RYR3: variants seen among roughly 807,000 people sequenced by gnomAD.
RYR3 encodes ryanodine receptor 3, also known as brain ryanodine receptor-calcium release channel.
Under a neutral mutation model 584.3 loss-of-function variants are expected in RYR3, and 207 were observed. That is an observed-to-expected ratio of 0.35 (90% CI 0.32 to 0.40). The LOEUF (loss-of-function observed/expected upper bound fraction) is 0.40, where lower values mean the gene tolerates loss of function less well. Ranked by LOEUF, RYR3 falls within the 10% of genes least tolerant of loss-of-function variation. The pLI, the probability that RYR3 is intolerant of heterozygous loss-of-function variation, is 1.00. For missense variants in RYR3, 5,616 were observed against 6,089.2 expected (o/e 0.92, Z 2.59); for synonymous variants, 2,416 against 2,248.5 (o/e 1.07, Z -2.11).
At chr15:33,324,655 G>C (rs1317726121) in intron 1 of RYR3, among the ~76,000 whole-genome samples, 1 of 152,168 alleles carries the variant, frequency 6.6e-6, no homozygotes, top group Non-Finnish European at 1.5e-5. Flanking sequence ...CTGTGTTCTT[G>C]CTACTAAGGA....
chr15:33,450,087 T>TAAAAAAAAAAAAAAAAAAAAAAAAAAA (rs10647466), intron 1 of RYR3, among the ~76,000 whole-genome samples: 1 of 67,322 alleles, frequency 1.5e-5, no homozygotes, highest in African/African-American at 5.5e-5. Context: ...CATTAATACC[T>TAAAAAAAAAAAAAAAAAAAAAAAAAAA]AAAAAAAAAA....
chr15:33,511,833 C>T (rs1056551757), intron 3 of RYR3, among the ~76,000 whole-genome samples: 6 of 152,218 alleles, frequency 3.9e-5, no homozygotes, highest in Admixed American at 2.0e-4. Flanking sequence ...GGCTGCAGTG[C>T]AGTGGCGCGA....
chr15:33,350,435 A>G (rs1010287095), intron 1 of RYR3, among the ~76,000 whole-genome samples: 11 of 151,804 alleles, frequency 7.2e-5, no homozygotes, highest in Non-Finnish European at 1.3e-4. Context: ...AGAACTCTCC[A>G]CCCCAAATCA....
intron 94 of RYR3, 169 bp from the exon 95 acceptor site, chr15:33,852,876 C>A (rs1161366042): frequency 1.6e-6 from 1 of 620,550 alleles, no homozygotes; most frequent in Non-Finnish European, 2.9e-6. Context: ...ATACATGACT[C>A]AGTAGAGCCT....
At chr15:33,378,890 A>T (rs2040947987) in intron 1 of RYR3, among the ~76,000 whole-genome samples, 1 of 152,118 alleles carries the variant, frequency 6.6e-6, no homozygotes, top group Non-Finnish European at 1.5e-5. Context: ...GCTTAAGCCC[A>T]GAAGTTCAAC....
intron 67 of RYR3, among the ~76,000 whole-genome samples, chr15:33,800,264 G>A (rs1161767193): frequency 1.3e-5 from 2 of 152,160 alleles, no homozygotes; most frequent in Non-Finnish European, 2.9e-5. Context: ...GATAAAACTG[G>A]CTTTAAAGGA....
At chr15:33,351,271 T>G (rs1973208594) in intron 1 of RYR3, among the ~76,000 whole-genome samples, 2 of 152,198 alleles carry the variant, frequency 1.3e-5, no homozygotes, top group South Asian at 4.2e-4. Context: ...ATAATCAATA[T>G]CTTACCAACC....
intron 20 of RYR3, among the ~76,000 whole-genome samples, chr15:33,626,090 G>C (rs768826629): frequency 1.2e-4 from 18 of 152,216 alleles, no homozygotes; most frequent in Non-Finnish European, 2.1e-4. Context: ...TGTGACTCCT[G>C]TCTGGGCTGC....
rs575293871 is a variant in RYR3 at position 33,691,140 on chromosome 15, G to C, written c.5861-5078G>C. ...GTAGTAGTTTCTGAAAAGTTAGTTG[G>C]CATGTGGAATCTGAAACCATATTAA... is the stretch of plus-strand genomic sequence containing the variant. On this transcript the variant is annotated intron_variant, in intron 38 of 103. Coordinates refer to ENST00000634891, the MANE Select transcript of RYR3 (RefSeq NM_001036.6). Among the ~76,000 whole-genome samples, 6 of 143,186 alleles carry C rather than the reference G, an allele frequency of 4.2e-5. No individual in the cohort carries two copies. In the South Asian group the frequency reaches 9.1e-4, roughly 22 times the overall value. 93.9% of individuals were successfully genotyped at this position (143,186 alleles called of 152,430 possible). A position where few individuals can be genotyped will look rare whatever the true frequency, so the allele number is the denominator to read the frequency against.
intron 1 of RYR3, among the ~76,000 whole-genome samples, chr15:33,384,004 G>A (rs767068990): frequency 2.6e-5 from 4 of 152,124 alleles, no homozygotes; most frequent in Non-Finnish European, 5.9e-5. Flanking sequence ...GTCAATTAAC[G>A]CAAGAACAGA....
intron 64 of RYR3, among the ~76,000 whole-genome samples, 167 bp downstream of exon 64, chr15:33,773,782 AG>A (rs2073796711): frequency 6.6e-6 from 1 of 152,220 alleles, no homozygotes; most frequent in African/African-American, 2.4e-5. Flanking sequence ...AATGTAAAGA[AG>A]TGCAATGATG....
intron 7 of RYR3, 54 bp from the exon 8 acceptor site, chr15:33,543,568 C>T: frequency 8.9e-7 from 1 of 1,117,772 alleles, no homozygotes; most frequent in Admixed American, 1.7e-5. Flanking sequence ...TTAAATATGC[C>T]ATTCTCTTCA....
intron 2 of RYR3, among the ~76,000 whole-genome samples, chr15:33,476,726 T>C (rs1253827925): frequency 6.6e-6 from 1 of 152,194 alleles, no homozygotes; most frequent in Non-Finnish European, 1.5e-5. Flanking sequence ...CCCAAAATGA[T>C]AGATAAATTG....
At position 33,450,500 on chromosome 15, in the gene RYR3, G is replaced by T. The variant is rs191521982; in HGVS notation, c.52-22919G>T. On this transcript the variant is annotated intron_variant, in intron 1 of 103. Transcript: ENST00000634891. ...CTCCACACAGCAGTTTACAGAGCCC[G>T]AGGTGCTGAGACAAAACTGTTTGGA... Among the ~76,000 whole-genome samples, 8 of 152,184 alleles carry T rather than the reference G, an allele frequency of 5.3e-5. No homozygotes were observed. The East Asian group carries it at 1.5e-3, about 29-fold the overall frequency.
At chr15:33,753,561 A>G (rs979771723) in intron 57 of RYR3, among the ~76,000 whole-genome samples, 40 of 152,212 alleles carry the variant, frequency 2.6e-4, no homozygotes, top group African/African-American at 4.8e-4. Flanking sequence ...TTATTCCGAT[A>G]TAGCCATTCT....
chr15:33,312,948 C>G (rs1194560523), intron 1 of RYR3, among the ~76,000 whole-genome samples: 1 of 152,158 alleles, frequency 6.6e-6, no homozygotes, highest in African/African-American at 2.4e-5. Flanking sequence ...GCTTCCTGCC[C>G]TAGAGATCAG....
intron 17 of RYR3, among the ~76,000 whole-genome samples, chr15:33,602,033 C>T (rs1746219427): frequency 6.6e-6 from 1 of 152,150 alleles, no homozygotes; most frequent in Non-Finnish European, 1.5e-5. Flanking sequence ...ATGCAGGACC[C>T]CTAGCTTGCT....
Position 33,861,081 on chromosome 15 carries a change from A to C in RYR3, c.14368A>C (p.Lys4790Gln). The C allele has an allele frequency of 6.3e-7, 1 of 1,582,320 alleles. No individual in the cohort carries two copies. Among genetic ancestry groups the C allele is most frequent in the Non-Finnish European group, 8.6e-7 (1 of 1,162,220 alleles). ...QEQVREDMETKCFICGIGNDY... is the reference protein window; with the variant it reads ...QEQVREDMETQCFICGIGNDY... ...TTCTGCCTGTTATTTTTCTTAGACTAAATGTTTCATCTGTGGGATTGGCAA... is the reference window on the plus strand; with the variant it reads ...TTCTGCCTGTTATTTTTCTTAGACTCAATGTTTCATCTGTGGGATTGGCAA... The change falls in exon 102 of 104, where the codon AAA (lysine) becomes CAA (glutamine). Residue 4790 changes from lysine to glutamine, a missense_variant. Physicochemically the swap from Lys to Gln is moderately conservative, Grantham distance 53. This residue lies in a region of RYR3 where 918 missense variants were observed against 887.4 expected (regional missense o/e 1.03). Coordinates refer to ENST00000634891, the MANE Select transcript of RYR3 (RefSeq NM_001036.6).
At chr15:33,826,172 C>A in intron 82 of RYR3, 80 bp from the exon 83 acceptor site, 1 of 1,382,098 alleles carries the variant, frequency 7.2e-7, no homozygotes, top group Non-Finnish European at 1.0e-6. Context: ...GTTCACATAG[C>A]CAGTTTTAAC....
Sources: gnomAD v4.1 joint callset for allele counts (sites outside exome capture counted in the v4.1 genomes callset) on GRCh38, gnomAD v4.1.1 for gene constraint, gnomAD v4.1.1 regional missense constraint, MANE v1.5 for transcripts, NCBI Gene and HGNC (gene_info 2026-07-23, HGNC 2026-07-21) for gene names.